PLXNA2: variants seen among roughly 807,000 people sequenced by gnomAD.
PLXNA2 encodes the protein plexin-A2.
PLXNA2 carries 91 observed loss-of-function variants against 193.5 expected under a neutral mutation model. That is an observed-to-expected ratio of 0.47 (90% CI 0.40 to 0.56). The LOEUF (loss-of-function observed/expected upper bound fraction) is 0.56. Ranked by LOEUF, PLXNA2 falls within the 20% of genes least tolerant of loss-of-function variation. The pLI is 0.00. For missense variants in PLXNA2, 1,995 were observed against 2,503.2 expected, an observed-to-expected ratio of 0.80 and a Z score of 4.33; for synonymous variants, 997 against 1,027.3, an observed-to-expected ratio of 0.97 and a Z score of 0.56.
At chr1:208,222,920 G>A (rs781404730) in intron 1 of PLXNA2, among the ~76,000 whole-genome samples, 3 of 151,920 alleles carry the variant, frequency 2.0e-5, no homozygotes, top group Non-Finnish European at 2.9e-5. Context: ...CAACATCATC[G>A]TCACCTCCAG....
In PLXNA2 at chr1:208,183,721, A is replaced by T. The variant is rs139773455; in HGVS notation, c.1371+26559T>A. On this transcript the variant is annotated intron_variant, in intron 3 of 31. Coordinates refer to ENST00000367033, the MANE Select transcript of PLXNA2 (RefSeq NM_025179.4). ...CAAGAGAGGCCCGTCTGATGCTTTAAGCTGGGAATTTGGTTTATTCTGGGG... is the reference window on the plus strand; with the variant it reads ...CAAGAGAGGCCCGTCTGATGCTTTATGCTGGGAATTTGGTTTATTCTGGGG... Among the ~76,000 whole-genome samples the T allele has an allele frequency of 3.4e-3, 523 of 152,254 alleles. 2 individuals carry two copies. Among genetic ancestry groups the T allele is most frequent in the African/African-American group, 0.012 (507 of 41,542 alleles).
In PLXNA2 at chr1:208,043,266, GAGA is replaced by G. The variant is rs146405899; in HGVS notation, c.3875-66_3875-64del. 3.3e-3 allele frequency: 5,083 copies of G among 1,562,364 alleles called. 12 individuals are homozygous for G. The highest frequency in any genetic ancestry group is 4.0e-3 in the Non-Finnish European group (4,608 of 1,139,898). On this transcript the variant is annotated intron_variant, in intron 20 of 31. Coordinates refer to ENST00000367033, the MANE Select transcript of PLXNA2 (RefSeq NM_025179.4). ...CCCCAGTCGGGGGAGGAGAAAGAGG[GAGA>G]AGAAGTTTGCAAAGGACGAGGGGAG...
intron 4 of PLXNA2, among the ~76,000 whole-genome samples, chr1:208,125,863 C>T (rs755143077): frequency 2.0e-4 from 31 of 152,250 alleles, no homozygotes; most frequent in East Asian, 9.6e-4. Context: ...TGGATAGATC[C>T]GGACAGGCAG....
intron 4 of PLXNA2, among the ~76,000 whole-genome samples, chr1:208,109,339 T>C (rs1046138745): frequency 4.6e-5 from 7 of 152,148 alleles, no homozygotes; most frequent in Admixed American, 1.3e-4. Context: ...TTCAGGTTTA[T>C]AGGGTCTCAG....
chr1:208,192,468 A>G (rs572649958), intron 3 of PLXNA2, among the ~76,000 whole-genome samples: 4 of 151,852 alleles, frequency 2.6e-5, no homozygotes, highest in Non-Finnish European at 5.9e-5. Context: ...CAACAAAAAA[A>G]CCATACTCCT....
intron 1 of PLXNA2, among the ~76,000 whole-genome samples, chr1:208,230,863 C>T (rs187514280): frequency 1.2e-4 from 18 of 152,304 alleles, no homozygotes; most frequent in East Asian, 1.9e-4. Context: ...GTAACAGGCA[C>T]GCTCACAATT....
chr1:208,200,614 CAG>C (rs1433370846), intron 3 of PLXNA2, among the ~76,000 whole-genome samples: 1 of 116,064 alleles, frequency 8.6e-6, no homozygotes, highest in African/African-American at 3.3e-5. Context: ...TTTTTGGAGA[CAG>C]AGTCTTGCTC....
intron 1 of PLXNA2, among the ~76,000 whole-genome samples, chr1:208,242,183 A>G (rs776154194): frequency 1.3e-5 from 2 of 152,138 alleles, no homozygotes; most frequent in Non-Finnish European, 2.9e-5. Flanking sequence ...GGCTCTGTCA[A>G]TCAGTAGAAG....
intron 4 of PLXNA2, among the ~76,000 whole-genome samples, chr1:208,120,292 A>T (rs1248873995): frequency 6.6e-6 from 1 of 152,258 alleles, no homozygotes; most frequent in Non-Finnish European, 1.5e-5. Context: ...AGATACTGAG[A>T]TGTGAAAATT....
Position 208,033,433 on chromosome 1 carries a change from A to G in PLXNA2, c.4941T>C (p.Ser1647=), listed in dbSNP as rs1571842862. The change falls in exon 28 of 32, where the codon AGT becomes AGC. Residue 1647 remains serine, a synonymous_variant. Coordinates refer to ENST00000367033, the MANE Select transcript of PLXNA2 (RefSeq NM_025179.4). ...RAPMITPDLE[S]GVKVWHLVKN... ...TCACCAGATGCCACACCTTGACCCC[A>G]CTTTCCAGGTCTGGGGTGATCATCG... 1.2e-6 allele frequency: 2 copies of G among 1,614,068 alleles called. No homozygotes were observed. Among genetic ancestry groups the G allele is most frequent in the Non-Finnish European group, 1.7e-6 (2 of 1,180,002 alleles).
At chr1:208,205,284 TAATCTC>T (rs2102590122) in intron 3 of PLXNA2, among the ~76,000 whole-genome samples, 1 of 152,318 alleles carries the variant, frequency 6.6e-6, no homozygotes, top group Non-Finnish European at 1.5e-5. Context: ...TGTTTGCACT[TAATCTC>T]TATCATCTGG....
intron 27 of PLXNA2, 128 bp from the exon 28 acceptor site, chr1:208,033,637 G>T (rs772554428): frequency 8.9e-6 from 6 of 672,162 alleles, no homozygotes; most frequent in African/African-American, 1.8e-5. Flanking sequence ...AAAGGGGACC[G>T]TTGGGACCTC....
intron 3 of PLXNA2, among the ~76,000 whole-genome samples, chr1:208,168,424 G>A (rs1669378024): frequency 6.6e-6 from 1 of 152,186 alleles, no homozygotes; most frequent in African/African-American, 2.4e-5. Flanking sequence ...CTAACATCTA[G>A]GAGGGTGACC....
rs2102596638 is a variant in PLXNA2, at chr1:208,209,035, T to C, written c.1371+1245A>G. On this transcript the variant is annotated intron_variant, in intron 3 of 31. Transcript: ENST00000367033. ...TGGAAAAGCAAATGCAAGGACCACA[T>C]TCTTTCTCTCTTCCATGTGCCGAAA... 1.3e-5 allele frequency among the ~76,000 whole-genome samples: 2 copies of C among 152,306 alleles called. 1 individual carries two copies. The highest frequency in any genetic ancestry group is 4.1e-4 in the South Asian group (2 of 4,828).
intron 1 of PLXNA2, among the ~76,000 whole-genome samples, chr1:208,234,507 G>A (rs1440113309): frequency 6.6e-6 from 1 of 152,126 alleles, no homozygotes; most frequent in African/African-American, 2.4e-5. Flanking sequence ...GTGTTGCTTG[G>A]GGAGCTTCTT....
Position 208,047,530 on chromosome 1 carries a change from G to A in PLXNA2, c.3256-1413C>T, listed in dbSNP as rs1571859983. 3.3e-5 allele frequency among the ~76,000 whole-genome samples: 5 copies of A among 152,304 alleles called. No homozygotes were observed. The East Asian group carries it at 9.7e-4, about 29-fold the overall frequency. Reference sequence around the variant, plus strand: ...CACTAAAGGGCCCACGTGGGGCTTGGGAAGAAAAACCCAGACTCCTACTCC... The same window carrying A: ...CACTAAAGGGCCCACGTGGGGCTTGAGAAGAAAAACCCAGACTCCTACTCC... On this transcript the variant is annotated intron_variant, in intron 17 of 31. Coordinates refer to ENST00000367033, the MANE Select transcript of PLXNA2 (RefSeq NM_025179.4).
At chr1:208,151,808 TCTGATTCCAAAGC>T (rs1668772712) in intron 3 of PLXNA2, among the ~76,000 whole-genome samples, 1 of 152,238 alleles carries the variant, frequency 6.6e-6, no homozygotes, top group African/African-American at 2.4e-5. Context: ...GCTGAATCTG[TCTGATTCCAAAGC>T]CTGAACTCTT....
chr1:208,209,653 C>T (rs959200000), intron 3 of PLXNA2, among the ~76,000 whole-genome samples: 1 of 152,144 alleles, frequency 6.6e-6, no homozygotes, highest in South Asian at 2.1e-4. Context: ...GGCAGAAGTA[C>T]CCTGGGAGGC....
At chr1:208,204,270 C>T (rs1161725555) in intron 3 of PLXNA2, among the ~76,000 whole-genome samples, 1 of 152,142 alleles carries the variant, frequency 6.6e-6, no homozygotes, top group Non-Finnish European at 1.5e-5. Flanking sequence ...GCAGTGGTTC[C>T]CTGGGCATTC....
Sources: allele counts gnomAD v4.1 joint callset (sites outside exome capture counted in the v4.1 genomes callset), GRCh38; gene constraint gnomAD v4.1.1; transcripts MANE v1.5; gene names NCBI Gene and HGNC (gene_info 2026-07-23, HGNC 2026-07-21).